TMPRSS9: variants seen among roughly 807,000 people sequenced by gnomAD.
TMPRSS9 encodes the protein transmembrane serine protease 9.
A neutral mutation model predicts 111.4 loss-of-function variants in TMPRSS9; 113 were observed. The ratio of observed to expected loss-of-function variants is 1.01; its 90% CI spans 0.87 to 1.19. The LOEUF (loss-of-function observed/expected upper bound fraction) is 1.19, where lower values mean the gene tolerates loss of function less well. Among genes scored for constraint, TMPRSS9 ranks in the 50% most tolerant of loss-of-function variants. TMPRSS9 has a pLI of 0.00. For missense variants in TMPRSS9, 1,803 were observed against 1,513.1 expected, an observed-to-expected ratio of 1.19 and a Z score of -3.18; for synonymous variants, 805 against 659.1, an observed-to-expected ratio of 1.22 and a Z score of -3.39.
At chr19:2,402,495 T>G (rs1970871691) in intron 5 of TMPRSS9, among the ~76,000 whole-genome samples, 1 of 151,836 alleles carries the variant, frequency 6.6e-6, no homozygotes, top group Admixed American at 6.6e-5. Flanking sequence ...ATCCCAGCAC[T>G]TTGGGAGGCC....
chr19:2,374,122 G>A (rs924173415), intron 1 of TMPRSS9, among the ~76,000 whole-genome samples: 2 of 151,922 alleles, frequency 1.3e-5, no homozygotes, highest in African/African-American at 4.8e-5. Flanking sequence ...TGACCCCTCC[G>A]CGGCTTCACT....
exon 18 of TMPRSS9, chr19:2,426,069 G>C: frequency 6.2e-7 from 1 of 1,608,698 alleles, no homozygotes; most frequent in Non-Finnish European, 8.5e-7. Flanking sequence ...GGCTGGATAG[G>C]ACAGCACATC....
chr19:2,411,065 C>A (rs1971084107), intron 9 of TMPRSS9, among the ~76,000 whole-genome samples: 1 of 151,830 alleles, frequency 6.6e-6, no homozygotes. Context: ...TATGCGAGGC[C>A]AAGGCGGGTG....
chr19:2,415,609 C>G, intron 10 of TMPRSS9, 61 bp from the exon 12 acceptor site: 2 of 1,408,544 alleles, frequency 1.4e-6, no homozygotes, highest in Non-Finnish European at 1.9e-6. Flanking sequence ...GACCACCCCA[C>G]CGGATGCTCC....
At chr19:2,394,056 A>C (rs546176219) in intron 1 of TMPRSS9, among the ~76,000 whole-genome samples, 121 of 152,114 alleles carry the variant, frequency 8.0e-4, no homozygotes, top group South Asian at 5.8e-3. Context: ...AAAAAACATT[A>C]GTTGGTCATG....
intron 1 of TMPRSS9, among the ~76,000 whole-genome samples, chr19:2,383,293 G>T (rs1269443480): frequency 2.0e-5 from 3 of 151,832 alleles, no homozygotes; most frequent in Admixed American, 6.6e-5. Flanking sequence ...GGCAGAGTTT[G>T]CAGTGAGCCA....
intron 2 of TMPRSS9, among the ~76,000 whole-genome samples, chr19:2,398,403 G>C (rs189296797): frequency 6.6e-6 from 1 of 151,962 alleles, no homozygotes; most frequent in Non-Finnish European, 1.5e-5. Context: ...TGGATCACAA[G>C]GTCAGGAGTT....
At chr19:2,424,917 C>T (rs2145426411) in intron 15 of TMPRSS9, 85 bp from the exon 17 acceptor site, 3 of 1,355,762 alleles carry the variant, frequency 2.2e-6, no homozygotes, top group East Asian at 3.2e-5. Flanking sequence ...GCCCAGGGTG[C>T]CAGCCGGCCG....
intron 12 of TMPRSS9, among the ~76,000 whole-genome samples, chr19:2,417,799 G>A (rs1056093218): frequency 2.6e-5 from 4 of 152,184 alleles, no homozygotes; most frequent in Non-Finnish European, 5.9e-5. Flanking sequence ...TGGGGACAGT[G>A]GGGAGACTCT....
At chr19:2,397,381 C>T (rs1288885107) in intron 2 of TMPRSS9, among the ~76,000 whole-genome samples, 1 of 151,812 alleles carries the variant, frequency 6.6e-6, no homozygotes, top group East Asian at 1.9e-4. Context: ...ACCTCTGCCT[C>T]CCGGGTTCAA....
At chr19:2,366,725 C>T (rs565313666) in intron 1 of TMPRSS9, among the ~76,000 whole-genome samples, 5 of 151,752 alleles carry the variant, frequency 3.3e-5, no homozygotes, top group Admixed American at 2.0e-4. Flanking sequence ...GGCGTGGTGG[C>T]GGGCACCTGT....
At chr19:2,371,874 C>G (rs1970293293) in intron 1 of TMPRSS9, among the ~76,000 whole-genome samples, 1 of 152,146 alleles carries the variant, frequency 6.6e-6, no homozygotes, top group South Asian at 2.1e-4. Flanking sequence ...CCAGAGGATG[C>G]CGAGAGAGTG....
Position 2,418,277 on chromosome 19 carries a change from CTTTT to C in TMPRSS9, c.2154+140_2154+143del, listed in dbSNP as rs1971306848. On this transcript the variant is annotated intron_variant, in intron 13 of 17. Coordinates refer to ENST00000648592, the Ensembl canonical transcript of TMPRSS9. ...CTCCTTCCCTCCTTGTCCTTCCCTCCTTTTCCTTTCCTCCTTTCCTTCCCTCCCT... is the reference window on the plus strand; with the variant it reads ...CTCCTTCCCTCCTTGTCCTTCCCTCCCCTTTCCTCCTTTCCTTCCCTCCCT... 13 of 938,694 alleles carry C rather than the reference CTTTT, an allele frequency of 1.4e-5. No individual in the cohort carries two copies. The Middle Eastern group carries it at 7.9e-4, about 57-fold the overall frequency. The allele number at this position is 938,694 out of a possible 1,614,324, so 58.1% of individuals were successfully genotyped here.
intron 4 of TMPRSS9, among the ~76,000 whole-genome samples, chr19:2,401,229 G>C (rs149959933): frequency 6.6e-6 from 1 of 152,020 alleles, no homozygotes; most frequent in African/African-American, 2.4e-5. Context: ...AGCCGAGATC[G>C]CGCCACTGCT....
At chr19:2,361,373 G>C (rs976445894) in intron 1 of TMPRSS9, among the ~76,000 whole-genome samples, 1 of 143,296 alleles carries the variant, frequency 7.0e-6, no homozygotes, top group Non-Finnish European at 1.5e-5. Context: ...GGGGTGGGAG[G>C]GGGGGCTGGG....
At chr19:2,368,204 G>A (rs1412843413) in intron 1 of TMPRSS9, among the ~76,000 whole-genome samples, 1 of 152,062 alleles carries the variant, frequency 6.6e-6, no homozygotes, top group East Asian at 1.9e-4. Flanking sequence ...GTTTTTCCTG[G>A]CTCCCCTTTT....
chr19:2,375,796 C>T (rs1247541404), intron 1 of TMPRSS9, among the ~76,000 whole-genome samples: 1 of 152,144 alleles, frequency 6.6e-6, no homozygotes, highest in Non-Finnish European at 1.5e-5. Context: ...AGACAAAAAA[C>T]ACATACCCTA....
In TMPRSS9 at chr19:2,361,681, G is replaced by A. The variant is rs550995378; in HGVS notation, c.-26+1321G>A. On this transcript the variant is annotated intron_variant, in intron 1 of 17. Coordinates refer to the TMPRSS9 transcript ENST00000649857. ...GTCCCCAGGACAGGCGTCCGTGCTC[G>A]AGGGTCCTCTGTGGCCCAGGGACCT... is the stretch of plus-strand genomic sequence containing the variant. Among the ~76,000 whole-genome samples, 6 of 152,274 alleles carry A rather than the reference G, an allele frequency of 3.9e-5. No individual in the cohort carries two copies. The South Asian group carries it at 1.2e-3, about 32-fold the overall frequency.
intron 4 of TMPRSS9, among the ~76,000 whole-genome samples, chr19:2,401,110 TA>T (rs1289175782): frequency 6.7e-6 from 1 of 148,288 alleles, no homozygotes; most frequent in Non-Finnish European, 1.5e-5. Flanking sequence ...CCGTCTCTAC[TA>T]AAAATACAAA....
Sources: allele counts gnomAD v4.1 joint callset (sites outside exome capture counted in the v4.1 genomes callset), GRCh38; gene constraint gnomAD v4.1.1; transcripts MANE v1.5; gene names NCBI Gene and HGNC (gene_info 2026-07-23, HGNC 2026-07-21).